The following FBXL7 variants were observed in gnomAD, a reference collection of about 807,000 sequenced individuals.
The protein encoded by FBXL7 is F-box and leucine rich repeat protein 7.
FBXL7 carries 12 observed loss-of-function variants against 38.3 expected under a neutral mutation model. That is an observed-to-expected ratio of 0.31 (90% CI 0.20 to 0.51). The LOEUF is 0.51. Among genes scored for constraint, FBXL7 ranks in the 20% least tolerant of loss-of-function variants. The pLI is 0.98. For missense variants in FBXL7, 567 were observed against 676.4 expected, an observed-to-expected ratio of 0.84 and a Z score of 1.79; for synonymous variants, 297 against 300.9, an observed-to-expected ratio of 0.99 and a Z score of 0.13.
chr5:15,538,308 C>T (rs2126403212), intron 1 of FBXL7, among the ~76,000 whole-genome samples: 1 of 152,264 alleles, frequency 6.6e-6, no homozygotes, highest in South Asian at 2.1e-4. Context: ...ATACTGAGAA[C>T]ATGATTTTCT....
intron 2 of FBXL7, among the ~76,000 whole-genome samples, chr5:15,629,431 C>T (rs931298701): frequency 1.3e-5 from 2 of 152,196 alleles, no homozygotes; most frequent in African/African-American, 4.8e-5. Flanking sequence ...TATTGGGTAC[C>T]ATAAATTATT....
intron 2 of FBXL7, among the ~76,000 whole-genome samples, chr5:15,866,175 G>A (rs188059189): frequency 1.4e-4 from 22 of 152,242 alleles, no homozygotes; most frequent in African/African-American, 4.1e-4. Flanking sequence ...GAAATTGTGC[G>A]AATGAAACAG....
chr5:15,596,098 A>G (rs138512568), intron 1 of FBXL7, among the ~76,000 whole-genome samples: 22 of 152,352 alleles, frequency 1.4e-4, no homozygotes, highest in African/African-American at 4.8e-4. Context: ...GTTCAAGTAC[A>G]CAGTTGGAAT....
At chr5:15,853,068 A>G (rs1579521843) in intron 2 of FBXL7, among the ~76,000 whole-genome samples, 1 of 152,174 alleles carries the variant, frequency 6.6e-6, no homozygotes, top group Non-Finnish European at 1.5e-5. Context: ...CTAGTTTACA[A>G]ATAAGGAAGG....
chr5:15,641,227 T>A (rs936011601), intron 2 of FBXL7, among the ~76,000 whole-genome samples: 2 of 152,240 alleles, frequency 1.3e-5, no homozygotes, highest in African/African-American at 4.8e-5. Context: ...TAGTCCCACC[T>A]AAACCTTTCC....
At chr5:15,821,378 C>A (rs1738165355) in intron 2 of FBXL7, among the ~76,000 whole-genome samples, 1 of 151,994 alleles carries the variant, frequency 6.6e-6, no homozygotes, top group Non-Finnish European at 1.5e-5. Context: ...TGAGAGAGCC[C>A]AATCTTAGGT....
intron 2 of FBXL7, among the ~76,000 whole-genome samples, chr5:15,639,965 A>C (rs2126554264): frequency 6.6e-6 from 1 of 152,152 alleles, no homozygotes; most frequent in African/African-American, 2.4e-5. Flanking sequence ...CTTTTCCGTA[A>C]TTGAGGCAGG....
chr5:15,865,496 C>T (rs968723939), intron 2 of FBXL7, among the ~76,000 whole-genome samples: 12 of 152,164 alleles, frequency 7.9e-5, no homozygotes, highest in African/African-American at 2.7e-4. Context: ...TTAATTCCTG[C>T]ACTGCATAAT....
At chr5:15,562,772 T>C (rs755144468) in intron 1 of FBXL7, among the ~76,000 whole-genome samples, 4 of 152,104 alleles carry the variant, frequency 2.6e-5, no homozygotes, top group African/African-American at 4.8e-5. Flanking sequence ...ATTCTTTCCA[T>C]GTGCCAGACA....
At chr5:15,576,744 G>A (rs959549947) in intron 1 of FBXL7, among the ~76,000 whole-genome samples, 1 of 151,868 alleles carries the variant, frequency 6.6e-6, no homozygotes, top group Non-Finnish European at 1.5e-5. Flanking sequence ...GTTTAGATGA[G>A]GTAGTTGGCC....
rs781627875 is a variant in FBXL7 at position 15,939,238 on chromosome 5, A to G, written c.*2052A>G. Reference sequence around the variant, plus strand: ...TAGGCCAGGATCTAGTGAAAGCCACAGAGTTTAAAACCATGAAAGAAGTTG... The same window carrying G: ...TAGGCCAGGATCTAGTGAAAGCCACGGAGTTTAAAACCATGAAAGAAGTTG... On this transcript the variant is annotated 3_prime_UTR_variant, in exon 4 of 4. Coordinates refer to ENST00000504595, the MANE Select transcript of FBXL7 (RefSeq NM_012304.5). The G allele has an allele frequency of 2.5e-6, 1 of 393,772 alleles. No individual in the cohort carries two copies. The highest frequency in any genetic ancestry group is 4.4e-5 in the Admixed American group (1 of 22,604). 24.4% of individuals were successfully genotyped at this position (393,772 alleles called of 1,614,324 possible). A position where few individuals can be genotyped will look rare whatever the true frequency, so the allele number is the denominator to read the frequency against.
At chr5:15,692,736 G>T (rs1377761133) in intron 2 of FBXL7, among the ~76,000 whole-genome samples, 2 of 152,154 alleles carry the variant, frequency 1.3e-5, no homozygotes, top group Non-Finnish European at 2.9e-5. Flanking sequence ...CGTACATAGG[G>T]CTAAAAATGT....
intron 1 of FBXL7, among the ~76,000 whole-genome samples, chr5:15,556,080 CT>C (rs1738229776): frequency 8.0e-6 from 1 of 124,492 alleles, no homozygotes; most frequent in African/African-American, 3.5e-5. Flanking sequence ...TGTTTATTAT[CT>C]ATCATCTATC....
intron 2 of FBXL7, among the ~76,000 whole-genome samples, chr5:15,646,540 A>G (rs924627145): frequency 2.0e-5 from 3 of 152,208 alleles, no homozygotes; most frequent in Admixed American, 6.5e-5. Context: ...AGATACTCCT[A>G]CGTTAATGGA....
chr5:15,674,690 C>T (rs952739516), intron 2 of FBXL7, among the ~76,000 whole-genome samples: 6 of 152,142 alleles, frequency 3.9e-5, no homozygotes, highest in South Asian at 2.1e-4. Flanking sequence ...AATCCTTCCT[C>T]CCCCTAAAAT....
intron 2 of FBXL7, among the ~76,000 whole-genome samples, chr5:15,861,827 C>T (rs918437686): frequency 6.6e-6 from 1 of 152,294 alleles, no homozygotes; most frequent in African/African-American, 2.4e-5. Context: ...GGCACATGCT[C>T]ACCCTGTTAT....
intron 2 of FBXL7, among the ~76,000 whole-genome samples, chr5:15,777,480 A>G (rs554442815): frequency 1.4e-4 from 21 of 152,118 alleles, no homozygotes; most frequent in African/African-American, 4.6e-4. Flanking sequence ...GAAATTGACA[A>G]TGATGGAAAT....
At chr5:15,705,350 G>T (rs1743648719) in intron 2 of FBXL7, among the ~76,000 whole-genome samples, 1 of 152,098 alleles carries the variant, frequency 6.6e-6, no homozygotes, top group African/African-American at 2.4e-5. Context: ...TGAATGTGAG[G>T]GTAATCCATA....
intron 2 of FBXL7, among the ~76,000 whole-genome samples, chr5:15,728,945 C>T (rs1735495172): frequency 1.3e-5 from 2 of 152,052 alleles, no homozygotes; most frequent in Non-Finnish European, 2.9e-5. Context: ...ATGACTTCAC[C>T]CTTACGTAAT....
Sources: gnomAD v4.1 joint callset for allele counts (sites outside exome capture counted in the v4.1 genomes callset) on GRCh38, gnomAD v4.1.1 for gene constraint, MANE v1.5 for transcripts, NCBI Gene and HGNC (gene_info 2026-07-23, HGNC 2026-07-21) for gene names.